The following CEP152 variants were observed in gnomAD, a reference collection of about 807,000 sequenced individuals.
CEP152 encodes the protein centrosomal protein 152.
CEP152 carries 132 observed loss-of-function variants against 188.9 expected under a neutral mutation model. That is an observed-to-expected ratio of 0.70 (90% CI 0.61 to 0.81). The LOEUF (loss-of-function observed/expected upper bound fraction) is 0.81, where lower values mean the gene tolerates loss of function less well. Ranked by LOEUF, CEP152 falls within the 30% of genes least tolerant of loss-of-function variation. The probability of loss-of-function intolerance (pLI) is 0.00; values close to 1 mark genes in which losing one functional copy is unlikely to be tolerated. For synonymous variants in CEP152, 649 were observed against 666.6 expected (o/e 0.97, Z 0.41); for missense variants, 1,914 against 1,969.8 (o/e 0.97, Z 0.54).
chr15:48,738,007 TA>T lies in CEP152; in HGVS notation c.*241del. The T allele has an allele frequency of 2.2e-6, 1 of 453,510 alleles. No individual in the cohort carries two copies. The highest frequency in any genetic ancestry group is 3.9e-6 in the Non-Finnish European group (1 of 256,870). 28.1% of individuals were successfully genotyped at this position (453,510 alleles called of 1,614,324 possible). A position where few individuals can be genotyped will look rare whatever the true frequency, so the allele number is the denominator to read the frequency against. On this transcript the variant is annotated 3_prime_UTR_variant, in exon 27 of 27. Transcript: ENST00000380950. Reference sequence around the variant, plus strand: ...GTGAGTCAATTTATAAGTATAAAAATAGATGGTTTAGAAACCAAAAATAAGC... The same window carrying T: ...GTGAGTCAATTTATAAGTATAAAAATGATGGTTTAGAAACCAAAAATAAGC...
intron 2 of CEP152, among the ~76,000 whole-genome samples, chr15:48,802,064 T>C (rs1353082282): frequency 6.7e-6 from 1 of 148,338 alleles, no homozygotes; most frequent in Non-Finnish European, 1.5e-5. Flanking sequence ...CACTCCAGCA[T>C]GGGCAACAGA....
chr15:48,750,622 CAT>C (rs1893799073), intron 21 of CEP152, among the ~76,000 whole-genome samples: 1 of 151,994 alleles, frequency 6.6e-6, no homozygotes, highest in Non-Finnish European at 1.5e-5. Context: ...ACAGATAACT[CAT>C]AGTATATTCA....
chr15:48,744,774 G>A, intron 23 of CEP152, 122 bp downstream of exon 23: 1 of 919,878 alleles, frequency 1.1e-6, no homozygotes, highest in Non-Finnish European at 1.6e-6. Flanking sequence ...TAAGGTTTTG[G>A]GGGATTTTCT....
intron 25 of CEP152, 100 bp from the exon 26 acceptor site, chr15:48,741,804 A>G (rs1892993798): frequency 9.9e-6 from 16 of 1,609,252 alleles, no homozygotes; most frequent in Non-Finnish European, 1.3e-5. Context: ...GCCAACATTT[A>G]GGGTAGCACA....
intron 20 of CEP152, among the ~76,000 whole-genome samples, chr15:48,753,509 C>G (rs1268896837): frequency 6.6e-6 from 1 of 152,132 alleles, no homozygotes; most frequent in East Asian, 1.9e-4. Context: ...AGAAAACCTA[C>G]TTACAATGTC....
Position 48,805,622 on chromosome 15 carries a change from G to A in CEP152, c.28C>T (p.Leu10=), listed in dbSNP as rs1458755901. Residue 10 remains leucine (L), a synonymous_variant, in exon 2 of 27, where the codon CTA becomes TTA. Transcript: ENST00000380950. MSLDFGSVA[L]PVQNEDEEYD... Reference sequence around the variant, plus strand: ...TCTTCATCTTCATTTTGCACTGGTAGTGCCACACTGCCAAAGTCTAATGAC... The same window carrying A: ...TCTTCATCTTCATTTTGCACTGGTAATGCCACACTGCCAAAGTCTAATGAC... 2 of 1,606,720 alleles carry A rather than the reference G, an allele frequency of 1.2e-6. No homozygotes were observed. Among genetic ancestry groups the A allele is most frequent in the Non-Finnish European group, 1.7e-6 (2 of 1,177,280 alleles).
chr15:48,744,856 G>T, intron 23 of CEP152, 40 bp downstream of exon 23: 1 of 1,542,216 alleles, frequency 6.5e-7, no homozygotes, highest in Non-Finnish European at 8.8e-7. Context: ...CTTGTACTTA[G>T]ATTTCTTTAA....
chr15:48,741,366 T>G (rs926082083), intron 26 of CEP152: 53 of 1,337,308 alleles, frequency 4.0e-5, no homozygotes, highest in Non-Finnish European at 5.1e-5. Flanking sequence ...TAAAATCTTT[T>G]CTATCATTTC....
chr15:48,738,438 C>T lies in CEP152; in HGVS notation c.4944G>A (p.Glu1648=), dbSNP rs777091629. Residue 1648 remains glutamate (E), a synonymous_variant, in exon 27 of 27, where the codon GAG becomes GAA. Coordinates refer to ENST00000380950, the MANE Select transcript of CEP152 (RefSeq NM_001194998.2). ...CACAATTCACACTGATCTTTCCTGG[C>T]TCCAAATACGTGGTTTCTTCTGACA... ...PYLSEETTYL[E]PGKISVNCGH... The T allele has an allele frequency of 1.1e-4, 185 of 1,614,070 alleles. No individual in the cohort carries two copies. The highest frequency in any genetic ancestry group is 4.3e-4 in the Admixed American group (26 of 60,006).
chr15:48,739,316 A>C (rs752963635), intron 26 of CEP152, 28 bp from the exon 27 acceptor site: 1 of 1,581,242 alleles, frequency 6.3e-7, no homozygotes, highest in Admixed American at 1.9e-5. Flanking sequence ...ACACGAAATT[A>C]AGAGAAAATT....
At chr15:48,731,106 G>T (rs959404952) in intron 2 of CEP152, among the ~76,000 whole-genome samples, 6 of 152,200 alleles carry the variant, frequency 3.9e-5, no homozygotes, top group African/African-American at 1.4e-4. Context: ...CAAACTCACA[G>T]AAACAGAATA....
intron 9 of CEP152, among the ~76,000 whole-genome samples, chr15:48,787,666 C>T (rs1896749975): frequency 6.6e-6 from 1 of 152,108 alleles, no homozygotes; most frequent in African/African-American, 2.4e-5. Context: ...AAATTAGAGG[C>T]AGCTATATAG....
intron 10 of CEP152, among the ~76,000 whole-genome samples, chr15:48,782,934 G>T (rs1211229472): frequency 1.3e-5 from 2 of 152,052 alleles, no homozygotes; most frequent in Admixed American, 6.6e-5. Flanking sequence ...AACAGGGAGG[G>T]GCCCTTAATA....
chr15:48,785,919 A>AG (rs960945615), intron 9 of CEP152, among the ~76,000 whole-genome samples: 3 of 88,892 alleles, frequency 3.4e-5, no homozygotes, highest in African/African-American at 1.4e-4. Flanking sequence ...AAAAAAAAAA[A>AG]AGAGAGAGAG....
At chr15:48,799,228 A>G (rs1356509118) in intron 2 of CEP152, among the ~76,000 whole-genome samples, 1 of 152,178 alleles carries the variant, frequency 6.6e-6, no homozygotes, top group African/African-American at 2.4e-5. Flanking sequence ...TTAGTACAAA[A>G]GAAATGGAAT....
intron 22 of CEP152, among the ~76,000 whole-genome samples, chr15:48,747,981 C>A (rs1893577833): frequency 6.6e-6 from 1 of 152,126 alleles, no homozygotes. Context: ...TTAGTCAAAC[C>A]TTTCTTAACT....
At chr15:48,799,105 A>G (rs1897511363) in intron 2 of CEP152, among the ~76,000 whole-genome samples, 1 of 152,108 alleles carries the variant, frequency 6.6e-6, no homozygotes, top group Admixed American at 6.5e-5. Context: ...ATCAAACCCC[A>G]TAACATTGTG....
chr15:48,797,025 T>C (rs760617605), intron 5 of CEP152, among the ~76,000 whole-genome samples: 6 of 152,238 alleles, frequency 3.9e-5, no homozygotes, highest in African/African-American at 9.6e-5. Flanking sequence ...TAAATGAGGA[T>C]AGTTATTCTT....
At chr15:48,778,349 G>A (rs942875472) in intron 12 of CEP152, among the ~76,000 whole-genome samples, 1 of 152,188 alleles carries the variant, frequency 6.6e-6, no homozygotes, top group Non-Finnish European at 1.5e-5. Context: ...AGGAATCACA[G>A]TAGACCAGGG....
Sources: gnomAD v4.1 joint callset for allele counts (sites outside exome capture counted in the v4.1 genomes callset) on GRCh38, gnomAD v4.1.1 for gene constraint, MANE v1.5 for transcripts, NCBI Gene and HGNC (gene_info 2026-07-23, HGNC 2026-07-21) for gene names.